Variants in RNLS observed in about 807,000 individuals in gnomAD.
The protein encoded by RNLS is renalase.
RNLS carries 39 observed loss-of-function variants against 39.8 expected under a neutral mutation model. That is an observed-to-expected ratio of 0.98 (90% CI 0.76 to 1.28). RNLS has a LOEUF of 1.28. Ranked by LOEUF, RNLS falls within the 50% of genes most tolerant of loss-of-function variation. The pLI is 0.00. For synonymous variants in RNLS, 147 were observed against 150.7 expected, an observed-to-expected ratio of 0.98 and a Z score of 0.18; for missense variants, 410 against 413.3, an observed-to-expected ratio of 0.99 and a Z score of 0.07.
intron 4 of RNLS, among the ~76,000 whole-genome samples, chr10:88,424,005 C>T (rs1037968601): frequency 3.9e-5 from 6 of 152,170 alleles, no homozygotes; most frequent in African/African-American, 1.4e-4. Context: ...TTTTTCTTAT[C>T]TCTCATGTAA....
the RNLS span, among the ~76,000 whole-genome samples, chr10:88,223,676 C>T: frequency 6.6e-6 from 1 of 152,146 alleles, no homozygotes; most frequent in Non-Finnish European, 1.5e-5. Flanking sequence ...TTCTTCTTCA[C>T]TGTAGAGATA....
chr10:88,173,742 C>G, the RNLS span, among the ~76,000 whole-genome samples: 1 of 152,118 alleles, frequency 6.6e-6, no homozygotes, highest in East Asian at 1.9e-4. Flanking sequence ...ATTATTCTTG[C>G]TGCACTTTAT....
chr10:88,336,559 A>G (rs551153012), intron 5 of RNLS, among the ~76,000 whole-genome samples: 49 of 152,214 alleles, frequency 3.2e-4, no homozygotes, highest in Admixed American at 1.7e-3. Flanking sequence ...TTCCAGTTTC[A>G]GAAGATGTTT....
At chr10:88,335,683 A>G (rs950616405) in intron 5 of RNLS, among the ~76,000 whole-genome samples, 1 of 152,240 alleles carries the variant, frequency 6.6e-6, no homozygotes, top group Non-Finnish European at 1.5e-5. Context: ...ATGTAGTGGT[A>G]ACGCAGATTT....
At chr10:88,305,661 G>A (rs940530005) in intron 6 of RNLS, among the ~76,000 whole-genome samples, 1 of 152,148 alleles carries the variant, frequency 6.6e-6, no homozygotes, top group East Asian at 1.9e-4. Flanking sequence ...CAATACAGGA[G>A]CACCTAGATG....
intron 4 of RNLS, among the ~76,000 whole-genome samples, chr10:88,417,622 CCACT>C (rs1047361019): frequency 1.3e-5 from 2 of 152,168 alleles, no homozygotes; most frequent in Non-Finnish European, 1.5e-5. Context: ...TTCCTTGAGG[CCACT>C]CAAAGGCCAG....
At position 88,581,615 on chromosome 10, in the gene RNLS, C is replaced by A; in HGVS notation, c.319G>T (p.Ala107Ser). ...ATAATTGAAGAAATTCCTTGAGGTG[C>A]CACAAAGTTACAGTCTCCTTCTTTC... ...VMKEGDCNFVAPQGISSIIKH... is the reference protein window; with the variant it reads ...VMKEGDCNFVSPQGISSIIKH... Residue 107 changes from alanine to serine, a missense_variant, in exon 3 of 7, where the codon GCA (alanine) becomes TCA (serine). Ala to Ser is a moderately conservative substitution (Grantham distance 99). Transcript: ENST00000331772. The A allele has an allele frequency of 1.2e-6, 2 of 1,607,794 alleles. No individual in the cohort carries two copies. Among genetic ancestry groups the A allele is most frequent in the Non-Finnish European group, 1.7e-6 (2 of 1,177,040 alleles).
intron 4 of RNLS, among the ~76,000 whole-genome samples, chr10:88,543,160 CT>C (rs1471677693): frequency 6.6e-6 from 1 of 152,138 alleles, no homozygotes; most frequent in African/African-American, 2.4e-5. Flanking sequence ...AGAATCCTTT[CT>C]GCTCAGTAGT....
chr10:88,204,078 T>G, the RNLS span, among the ~76,000 whole-genome samples: 120 of 152,212 alleles, frequency 7.9e-4, 1 homozygote, highest in African/African-American at 2.7e-3. Context: ...GAGATAGTGA[T>G]TTGAACCCAG....
intron 6 of RNLS, among the ~76,000 whole-genome samples, chr10:88,308,228 A>G (rs1360034232): frequency 2.0e-5 from 3 of 152,246 alleles, no homozygotes; most frequent in African/African-American, 7.2e-5. Context: ...CAAAGATTTC[A>G]TGGCAAAGAT....
At chr10:88,224,545 G>C in the RNLS span, among the ~76,000 whole-genome samples, 1 of 152,166 alleles carries the variant, frequency 6.6e-6, no homozygotes, top group Non-Finnish European at 1.5e-5. Context: ...TGGGCACTCT[G>C]TCTGTTGGAT....
At chr10:88,223,219 G>T in the RNLS span, among the ~76,000 whole-genome samples, 1 of 152,172 alleles carries the variant, frequency 6.6e-6, no homozygotes, top group Non-Finnish European at 1.5e-5. Context: ...TTTCCCGGCA[G>T]TTTTTTCTAA....
At chr10:88,202,259 G>A in the RNLS span, among the ~76,000 whole-genome samples, 3 of 140,674 alleles carry the variant, frequency 2.1e-5, no homozygotes, top group Non-Finnish European at 4.6e-5. Flanking sequence ...GAGAACACAT[G>A]GACACAGGAA....
chr10:88,559,571 T>C (rs1369911968), intron 4 of RNLS, among the ~76,000 whole-genome samples: 3 of 152,170 alleles, frequency 2.0e-5, no homozygotes, highest in Admixed American at 2.0e-4. Flanking sequence ...AACATTTCTA[T>C]TTCAAACTTT....
chr10:88,402,295 G>T (rs1282092011), intron 4 of RNLS, among the ~76,000 whole-genome samples: 1 of 151,986 alleles, frequency 6.6e-6, no homozygotes, highest in South Asian at 2.1e-4. Context: ...TACAGATGAT[G>T]AAAGTATGCC....
Position 88,530,781 on chromosome 10 carries a change from A to T in RNLS, c.526+42122T>A, listed in dbSNP as rs1847379537. 2.0e-5 allele frequency among the ~76,000 whole-genome samples: 3 copies of T among 152,082 alleles called. No homozygotes were observed. The South Asian group carries it at 6.2e-4, about 31-fold the overall frequency. ...TTATTTTTAGTACTGAAAATATAAC[A>T]TTTTTCTCACAAAATATGGCTTTGA... On this transcript the variant is annotated intron_variant, in intron 4 of 6. Coordinates refer to ENST00000331772, the MANE Select transcript of RNLS (RefSeq NM_001031709.3).
chr10:88,491,824 T>C (rs908468142), intron 4 of RNLS, among the ~76,000 whole-genome samples: 3 of 152,110 alleles, frequency 2.0e-5, no homozygotes, highest in African/African-American at 7.2e-5. Context: ...CTTGAAGAGC[T>C]AGTGATGATA....
intron 4 of RNLS, among the ~76,000 whole-genome samples, chr10:88,519,596 C>T (rs377652732): frequency 6.6e-6 from 1 of 151,082 alleles, no homozygotes; most frequent in East Asian, 1.9e-4. Context: ...TATTAAAATG[C>T]AGTATCTCTA....
At chr10:88,562,954 T>C (rs1849276907) in intron 4 of RNLS, among the ~76,000 whole-genome samples, 1 of 152,150 alleles carries the variant, frequency 6.6e-6, no homozygotes, top group South Asian at 2.1e-4. Flanking sequence ...ACAAAAGTGA[T>C]CTTATTCACA....
Sources: gnomAD v4.1 joint callset for allele counts (sites outside exome capture counted in the v4.1 genomes callset) on GRCh38, gnomAD v4.1.1 for gene constraint, MANE v1.5 for transcripts, NCBI Gene and HGNC (gene_info 2026-07-23, HGNC 2026-07-21) for gene names.